COLEC11: variants seen among roughly 807,000 people sequenced by gnomAD.
COLEC11 encodes collectin-11.
COLEC11 carries 20 observed loss-of-function variants against 27.3 expected under a neutral mutation model. The ratio of observed to expected loss-of-function variants is 0.73; its 90% CI spans 0.51 to 1.06. The LOEUF is 1.06. Ranked by LOEUF, COLEC11 falls within the 50% of genes least tolerant of loss-of-function variation. The pLI is 0.00. For synonymous variants in COLEC11, 163 were observed against 154.7 expected (o/e 1.05, Z -0.40); for missense variants, 310 against 383.0 (o/e 0.81, Z 1.59).
chr2:3,617,435 A>T lies in COLEC11; in HGVS notation c.202+4053A>T, dbSNP rs542063537. 15 of 1,155,028 alleles carry T rather than the reference A, an allele frequency of 1.3e-5. No homozygotes were observed. The Admixed American group carries it at 2.5e-4, about 20-fold the overall frequency. The allele number at this position is 1,155,028 out of a possible 1,614,324, so 71.5% of individuals were successfully genotyped here. A position where few individuals can be genotyped will look rare whatever the true frequency, so the allele number is the denominator to read the frequency against. ...TTGATGTGAAAGGGGCAGCACAGTC[A>T]TTTAAACTTGATCCAATCTCTTTGC... On this transcript the variant is annotated intron_variant, in intron 3 of 6. Coordinates refer to ENST00000349077, the MANE Select transcript of COLEC11 (RefSeq NM_024027.5).
rs369407698 is a variant in COLEC11, at chr2:3,634,060, C to A, written c.203-3473C>A. Among the ~76,000 whole-genome samples, 76 of 152,330 alleles carry A rather than the reference C, an allele frequency of 5.0e-4. 1 individual carries two copies. In the East Asian group the frequency reaches 0.011, roughly 22 times the overall value. On this transcript the variant is annotated intron_variant, in intron 3 of 6. Coordinates refer to ENST00000349077, the MANE Select transcript of COLEC11 (RefSeq NM_024027.5). ...CAAACTCATCTTGCCCTAACTCTCT[C>A]CCAAAGGAACTGTCTCCAAATACCA...
intron 3 of COLEC11, among the ~76,000 whole-genome samples, chr2:3,637,167 T>G (rs763813200): frequency 6.6e-6 from 1 of 151,610 alleles, no homozygotes; most frequent in Non-Finnish European, 1.5e-5. Flanking sequence ...GGTGCAGGAG[T>G]AGGAGCTGGG....
chr2:3,631,639 G>A (rs978976925), intron 3 of COLEC11, among the ~76,000 whole-genome samples: 6 of 152,170 alleles, frequency 3.9e-5, no homozygotes, highest in African/African-American at 1.2e-4. Flanking sequence ...CCCACCAGCC[G>A]GGTATGCTTG....
intron 3 of COLEC11, among the ~76,000 whole-genome samples, chr2:3,617,259 G>A (rs1389516466): frequency 1.3e-5 from 2 of 151,882 alleles, no homozygotes; most frequent in Non-Finnish European, 2.9e-5. Context: ...ATTACAGCCT[G>A]CAGGACACCT....
chr2:3,618,015 C>A (rs1558501570), intron 3 of COLEC11, among the ~76,000 whole-genome samples: 1 of 152,202 alleles, frequency 6.6e-6, no homozygotes, highest in Non-Finnish European at 1.5e-5. Context: ...TATTCAGATT[C>A]TTTGCCCATT....
chr2:3,634,802 C>A (rs1665264797), intron 3 of COLEC11, among the ~76,000 whole-genome samples: 1 of 152,098 alleles, frequency 6.6e-6, no homozygotes, highest in Non-Finnish European at 1.5e-5. Context: ...GCACTGAGCA[C>A]TCTGGCAGGG....
chr2:3,603,011 G>T (rs1303691828), intron 1 of COLEC11, among the ~76,000 whole-genome samples: 1 of 152,256 alleles, frequency 6.6e-6, no homozygotes, highest in Non-Finnish European at 1.5e-5. Flanking sequence ...AGCTGTGCCT[G>T]ACATTTGGTC....
intron 1 of COLEC11, among the ~76,000 whole-genome samples, chr2:3,597,538 T>G (rs1661936008): frequency 6.6e-6 from 1 of 152,178 alleles, no homozygotes. Context: ...CGGAGCCTGA[T>G]CTTTGTTGAA....
rs752317737 is a variant in COLEC11 at position 3,604,331 on chromosome 2, T to A, written c.-10T>A. 5.6e-6 allele frequency: 9 copies of A among 1,614,104 alleles called. No individual in the cohort carries two copies. Among genetic ancestry groups the A allele is most frequent in the African/African-American group, 1.3e-5 (1 of 74,942 alleles). The stretch of plus-strand genomic sequence containing the variant: ...TCTGTGTAGGAGTTGGTGTCCTGCC[T>A]GCGCTCAGGATGAGGGGGAATCTGG... On this transcript the variant is annotated 5_prime_UTR_variant, in exon 2 of 7. Coordinates refer to ENST00000349077, the MANE Select transcript of COLEC11 (RefSeq NM_024027.5).
chr2:3,620,980 T>C (rs1664143424), intron 3 of COLEC11, among the ~76,000 whole-genome samples: 1 of 152,262 alleles, frequency 6.6e-6, no homozygotes, highest in Non-Finnish European at 1.5e-5. Flanking sequence ...ATGTTCCGTG[T>C]GCACTGGAGA....
intron 1 of COLEC11, among the ~76,000 whole-genome samples, chr2:3,595,855 T>C (rs958718548): frequency 2.6e-5 from 4 of 152,236 alleles, no homozygotes; most frequent in Non-Finnish European, 5.9e-5. Flanking sequence ...AATTTAAAGA[T>C]GAACGTTTAA....
intron 3 of COLEC11, among the ~76,000 whole-genome samples, chr2:3,634,594 C>G (rs997617372): frequency 6.6e-6 from 1 of 152,202 alleles, no homozygotes; most frequent in Non-Finnish European, 1.5e-5. Flanking sequence ...TTGCCCTTCT[C>G]TCTCCCTGCT....
chr2:3,603,599 G>A (rs539002220), intron 1 of COLEC11: 2 of 1,548,970 alleles, frequency 1.3e-6, no homozygotes, highest in Non-Finnish European at 1.7e-6. Context: ...TTACAGGTGT[G>A]AGCCACTGCG....
chr2:3,603,814 T>C, intron 1 of COLEC11: 1 of 709,104 alleles, frequency 1.4e-6, no homozygotes, highest in Non-Finnish European at 2.4e-6. Flanking sequence ...GGTGCCTGTC[T>C]CCTGCCACCT....
intron 2 of COLEC11, among the ~76,000 whole-genome samples, chr2:3,610,000 T>C (rs13030778): frequency 0.69 from 105,327 of 152,198 alleles, 36,979 homozygotes; most frequent in South Asian, 0.89. Flanking sequence ...GACAGGCAGA[T>C]GGATGCAGGT....
At chr2:3,635,297 A>T (rs576119546) in intron 3 of COLEC11, among the ~76,000 whole-genome samples, 1 of 151,740 alleles carries the variant, frequency 6.6e-6, no homozygotes, top group African/African-American at 2.4e-5. Context: ...TGTCTCCCCA[A>T]TCTGGGCGTT....
rs781765198 is a variant in COLEC11 at position 3,643,971 on chromosome 2, G to T, written c.669G>T (p.Arg223=). 5 of 1,614,060 alleles carry T rather than the reference G, an allele frequency of 3.1e-6. No individual in the cohort carries two copies. The East Asian group carries it at 1.1e-4, about 36-fold the overall frequency. The part of the protein sequence containing the change: ...AFVYSDHSPM[R]TFNKWRSGEP... ...TGTACTCTGACCACTCCCCCATGCG[G>T]ACCTTCAACAAGTGGCGCAGCGGTG... Residue 223 remains arginine, a synonymous_variant, in exon 7 of 7, where the codon CGG becomes CGT. Coordinates refer to ENST00000349077, the MANE Select transcript of COLEC11 (RefSeq NM_024027.5).
intron 4 of COLEC11, among the ~76,000 whole-genome samples, chr2:3,639,730 A>G (rs1451845680): frequency 6.6e-6 from 1 of 151,208 alleles, no homozygotes; most frequent in Non-Finnish European, 1.5e-5. Context: ...TGTCCCATCT[A>G]ACTGGAGGTT....
chr2:3,639,459 A>C (rs1184133249), intron 4 of COLEC11, among the ~76,000 whole-genome samples: 1 of 152,186 alleles, frequency 6.6e-6, no homozygotes, highest in Non-Finnish European at 1.5e-5. Flanking sequence ...GATGCTGATA[A>C]AGGAACACAG....
Sources: allele counts gnomAD v4.1 joint callset (sites outside exome capture counted in the v4.1 genomes callset), GRCh38; gene constraint gnomAD v4.1.1; transcripts MANE v1.5; gene names NCBI Gene and HGNC (gene_info 2026-07-23, HGNC 2026-07-21).